The following BMP2K variants were observed in gnomAD, a reference collection of about 807,000 sequenced individuals.
The protein encoded by BMP2K is BMP-2-inducible protein kinase.
A neutral mutation model predicts 116.0 loss-of-function variants in BMP2K; 74 were observed. That is an observed-to-expected ratio of 0.64 (90% CI 0.53 to 0.77). The LOEUF is 0.77. BMP2K is among the 30% of genes least tolerant of loss of function. The pLI is 0.00. For missense variants in BMP2K, 1,365 were observed against 1,403.6 expected, an observed-to-expected ratio of 0.97 and a Z score of 0.44; for synonymous variants, 486 against 502.5, an observed-to-expected ratio of 0.97 and a Z score of 0.44.
chr4:78,794,811 C>G (rs1371429189), intron 1 of BMP2K, among the ~76,000 whole-genome samples: 1 of 152,204 alleles, frequency 6.6e-6, no homozygotes, highest in Non-Finnish European at 1.5e-5. Flanking sequence ...GATTCTCCCA[C>G]CTGGGCCTCC....
chr4:78,791,312 A>G (rs888059047), intron 1 of BMP2K, among the ~76,000 whole-genome samples: 7 of 152,334 alleles, frequency 4.6e-5, no homozygotes, highest in South Asian at 2.1e-4. Context: ...TGTTTTCATA[A>G]TAATACTAAG....
In BMP2K at chr4:78,833,694, A is replaced by AT. The variant is rs1730322396; in HGVS notation, c.403+14dup. The AT allele has an allele frequency of 2.5e-6, 4 of 1,579,594 alleles. No individual in the cohort carries two copies. The highest frequency in any genetic ancestry group is 2.3e-5 in the East Asian group (1 of 44,028). On this transcript the variant is annotated splice_region_variant and intron_variant, in intron 3 of 15. Transcript: ENST00000502613. ...TTAATGGAATATTGTCGAGGTAAGTATTTTTTTGCATTTGTACTGTAATAA... is the reference window on the plus strand; with the variant it reads ...TTAATGGAATATTGTCGAGGTAAGTATTTTTTTTGCATTTGTACTGTAATAA...
intron 1 of BMP2K, among the ~76,000 whole-genome samples, chr4:78,825,482 C>G (rs1374887757): frequency 6.6e-6 from 1 of 152,180 alleles, no homozygotes; most frequent in Non-Finnish European, 1.5e-5. Context: ...AAATCATTCC[C>G]TGCAACTCGG....
At chr4:78,777,032 A>G (rs1176629985) in intron 1 of BMP2K, among the ~76,000 whole-genome samples, 3 of 152,206 alleles carry the variant, frequency 2.0e-5, no homozygotes, top group African/African-American at 7.2e-5. Flanking sequence ...CCAGTGACTC[A>G]TTAGAGGGTC....
chr4:78,795,146 G>C (rs1728190235), intron 1 of BMP2K, among the ~76,000 whole-genome samples: 1 of 152,174 alleles, frequency 6.6e-6, no homozygotes, highest in Non-Finnish European at 1.5e-5. Flanking sequence ...TTGTACTTCA[G>C]TTATATTTGC....
At chr4:78,820,263 T>C (rs1729551383) in intron 1 of BMP2K, among the ~76,000 whole-genome samples, 1 of 152,224 alleles carries the variant, frequency 6.6e-6, no homozygotes, top group African/African-American at 2.4e-5. Context: ...CTATGTGCGA[T>C]GACTGGATAT....
At chr4:78,827,051 T>C (rs1729906484) in intron 2 of BMP2K, among the ~76,000 whole-genome samples, 2 of 152,212 alleles carry the variant, frequency 1.3e-5, no homozygotes, top group South Asian at 4.1e-4. Flanking sequence ...ACAAAAGTTA[T>C]GGTTACAGTT....
intron 1 of BMP2K, among the ~76,000 whole-genome samples, chr4:78,819,321 C>A (rs1013709597): frequency 7.9e-5 from 12 of 152,148 alleles, no homozygotes; most frequent in African/African-American, 2.9e-4. Flanking sequence ...TCCCAAAGTG[C>A]TGGGATTACA....
intron 7 of BMP2K, among the ~76,000 whole-genome samples, chr4:78,857,949 A>G (rs1268018731): frequency 6.6e-6 from 1 of 151,872 alleles, no homozygotes; most frequent in Non-Finnish European, 1.5e-5. Context: ...TTTGTAACTG[A>G]CCTCATTATC....
At chr4:78,778,642 G>T (rs2069490945) in intron 1 of BMP2K, among the ~76,000 whole-genome samples, 1 of 152,174 alleles carries the variant, frequency 6.6e-6, no homozygotes. Context: ...AATTGTCTAT[G>T]TATAATCAGT....
chr4:78,908,605 A>G (rs1577984324), intron 15 of BMP2K, among the ~76,000 whole-genome samples: 1 of 152,136 alleles, frequency 6.6e-6, no homozygotes, highest in East Asian at 1.9e-4. Flanking sequence ...TATTTTCTTC[A>G]GCCAAAAACT....
rs1396716276 is a variant in BMP2K, at chr4:78,913,543, C to T, written c.*1510C>T. The T allele has an allele frequency of 3.9e-5, 6 of 152,248 alleles. No individual in the cohort carries two copies. The South Asian group carries it at 8.3e-4, about 21-fold the overall frequency. The allele number at this position is 152,248 out of a possible 1,614,324, so 9.4% of individuals were successfully genotyped here. A position where few individuals can be genotyped will look rare whatever the true frequency, so the allele number is the denominator to read the frequency against. On this transcript the variant is annotated 3_prime_UTR_variant, in exon 16 of 16. Coordinates refer to ENST00000502613, the MANE Select transcript of BMP2K (RefSeq NM_198892.2). ...TGCTATTTACAGAAAGGAGTAGAAA[C>T]TCATCAACTGGCACTCTCTTTGATT... is the stretch of plus-strand genomic sequence containing the variant.
At chr4:78,793,812 A>T (rs1177758146) in intron 1 of BMP2K, among the ~76,000 whole-genome samples, 2 of 152,008 alleles carry the variant, frequency 1.3e-5, no homozygotes, top group Admixed American at 1.3e-4. Context: ...ATATGTTGAA[A>T]TAATATTTTG....
At chr4:78,859,332 AATAAT>A (rs1286698795) in intron 7 of BMP2K, 1 of 297,136 alleles carries the variant, frequency 3.4e-6, no homozygotes, top group East Asian at 5.6e-5. Context: ...TTTTCAATAG[AATAAT>A]CAAGTTTGTC....
chr4:78,798,939 A>G (rs749967740), intron 1 of BMP2K, among the ~76,000 whole-genome samples: 60 of 152,230 alleles, frequency 3.9e-4, no homozygotes, highest in Non-Finnish European at 7.8e-4. Flanking sequence ...ATGTCTTTCT[A>G]GACCGTGCTG....
chr4:78,906,998 A>T (rs960788604), intron 15 of BMP2K, among the ~76,000 whole-genome samples: 2 of 152,156 alleles, frequency 1.3e-5, no homozygotes, highest in African/African-American at 4.8e-5. Context: ...AGTGAAATTG[A>T]TACTAAAAAA....
chr4:78,879,431 T>G (rs960862171), intron 14 of BMP2K: 5 of 984,456 alleles, frequency 5.1e-6, no homozygotes, highest in Admixed American at 6.1e-5. Context: ...CTTTTTCACT[T>G]TAAATCAGAT....
chr4:78,800,425 G>A (rs1242459002), intron 1 of BMP2K, among the ~76,000 whole-genome samples: 1 of 152,142 alleles, frequency 6.6e-6, no homozygotes, highest in Non-Finnish European at 1.5e-5. Flanking sequence ...TATCTTCTGT[G>A]ACTTAATTAC....
intron 14 of BMP2K, chr4:78,879,967 C>G (rs1046856888): frequency 6.6e-6 from 1 of 151,962 alleles, no homozygotes; most frequent in Admixed American, 6.6e-5. Flanking sequence ...TAAATAAAAC[C>G]GATCACATGT....
Sources: allele counts gnomAD v4.1 joint callset (sites outside exome capture counted in the v4.1 genomes callset), GRCh38; gene constraint gnomAD v4.1.1; transcripts MANE v1.5; gene names NCBI Gene and HGNC (gene_info 2026-07-23, HGNC 2026-07-21).